Variants in MAPRE1 observed in about 807,000 individuals in gnomAD.
The protein encoded by MAPRE1 is microtubule associated protein RP/EB family member 1, also known as microtubule-associated protein RP/EB family member 1.
MAPRE1 carries 5 observed loss-of-function variants against 32.1 expected under a neutral mutation model. The ratio of observed to expected loss-of-function variants is 0.16; its 90% CI spans 0.08 to 0.33. MAPRE1 has a LOEUF of 0.33. MAPRE1 is among the 10% of genes least tolerant of loss of function. The probability of loss-of-function intolerance (pLI) is 1.00; values close to 1 mark genes in which losing one functional copy is unlikely to be tolerated. For synonymous variants in MAPRE1, 122 were observed against 118.9 expected (o/e 1.03, Z -0.17); for missense variants, 209 against 327.2 (o/e 0.64, Z 2.79).
At chr20:32,838,986 G>A (rs1983277549) in intron 4 of MAPRE1, among the ~76,000 whole-genome samples, 1 of 152,150 alleles carries the variant, frequency 6.6e-6, no homozygotes, top group Non-Finnish European at 1.5e-5. Flanking sequence ...AGATAGGTTG[G>A]CTCCTTTACT....
intron 2 of MAPRE1, among the ~76,000 whole-genome samples, chr20:32,832,019 C>T (rs1388450751): frequency 6.6e-6 from 1 of 151,488 alleles, no homozygotes; most frequent in Non-Finnish European, 1.5e-5. Flanking sequence ...TCAGTCACCT[C>T]AGAAATCAAG....
chr20:32,840,965 G>A (rs148517736), intron 5 of MAPRE1, among the ~76,000 whole-genome samples: 1,543 of 152,184 alleles, frequency 0.01, 25 homozygotes, highest in African/African-American at 0.035. Context: ...ACAGTCGTGC[G>A]CCACCACGCC....
At chr20:32,822,267 G>T (rs1982723632) in intron 1 of MAPRE1, among the ~76,000 whole-genome samples, 1 of 152,162 alleles carries the variant, frequency 6.6e-6, no homozygotes, top group Non-Finnish European at 1.5e-5. Flanking sequence ...CGCCATAATA[G>T]ATTACAATTG....
At chr20:32,835,404 C>CA (rs1311170911) in intron 3 of MAPRE1, among the ~76,000 whole-genome samples, 1 of 115,866 alleles carries the variant, frequency 8.6e-6, no homozygotes, top group African/African-American at 3.9e-5. Flanking sequence ...GCTGTGTTGC[C>CA]AGTGCTGGTC....
chr20:32,827,785 C>T (rs1003387542), intron 2 of MAPRE1, among the ~76,000 whole-genome samples: 6 of 151,938 alleles, frequency 3.9e-5, no homozygotes, highest in African/African-American at 1.4e-4. Flanking sequence ...AGTCCAGCTA[C>T]CCGGGAGGCT....
chr20:32,839,913 G>A (rs944403413), intron 5 of MAPRE1, 57 bp downstream of exon 5: 5 of 1,604,790 alleles, frequency 3.1e-6, no homozygotes, highest in Non-Finnish European at 4.3e-6. Flanking sequence ...TCCTTGCGGT[G>A]GCCAGGGTGC....
intron 4 of MAPRE1, among the ~76,000 whole-genome samples, chr20:32,838,709 ATATTTC>A (rs1983268820): frequency 6.6e-6 from 1 of 152,210 alleles, no homozygotes; most frequent in East Asian, 1.9e-4. Context: ...CGTGCATTTC[ATATTTC>A]AGATGCTGCT....
intron 5 of MAPRE1, among the ~76,000 whole-genome samples, chr20:32,841,627 GCA>G (rs1321810382): frequency 1.9e-5 from 1 of 51,902 alleles, no homozygotes; most frequent in Non-Finnish European, 3.8e-5. Context: ...TCCCCCCACC[GCA>G]CAACAGTCCC....
chr20:32,840,566 C>T (rs1325656649), intron 5 of MAPRE1, among the ~76,000 whole-genome samples: 1 of 152,088 alleles, frequency 6.6e-6, no homozygotes, highest in Non-Finnish European at 1.5e-5. Context: ...CTCAAGTGAT[C>T]CCCCTGCCTG....
intron 5 of MAPRE1, among the ~76,000 whole-genome samples, chr20:32,845,233 G>A (rs1351325464): frequency 6.6e-6 from 1 of 152,044 alleles, no homozygotes; most frequent in African/African-American, 2.4e-5. Flanking sequence ...GTAGAGACAG[G>A]TTTTGCCATG....
chr20:32,826,182 C>CGAG, intron 2 of MAPRE1, 134 bp downstream of exon 2: 3 of 676,552 alleles, frequency 4.4e-6, no homozygotes, highest in Non-Finnish European at 7.0e-6. Flanking sequence ...TTCTTCCTCT[C>CGAG]AGCCCTGCCT....
intron 3 of MAPRE1, among the ~76,000 whole-genome samples, chr20:32,834,655 C>A (rs1983135560): frequency 6.6e-6 from 1 of 151,562 alleles, no homozygotes; most frequent in South Asian, 2.1e-4. Flanking sequence ...TTTGTCTCTA[C>A]AATATATAAA....
chr20:32,839,647 G>T (rs906310984), intron 4 of MAPRE1, 88 bp from the exon 5 acceptor site: 1 of 1,561,544 alleles, frequency 6.4e-7, no homozygotes, highest in Non-Finnish European at 8.7e-7. Flanking sequence ...AAGGCAGATG[G>T]TCACAGCTTC....
chr20:32,841,495 T>G (rs1379285728), intron 5 of MAPRE1, among the ~76,000 whole-genome samples: 2 of 151,878 alleles, frequency 1.3e-5, no homozygotes, highest in African/African-American at 4.8e-5. Flanking sequence ...CTTTAAGTTT[T>G]AGGGTACATG....
intron 3 of MAPRE1, 26 bp from the exon 4 acceptor site, chr20:32,836,608 G>A (rs1346341225): frequency 7.0e-7 from 1 of 1,420,292 alleles, no homozygotes; most frequent in Non-Finnish European, 9.9e-7. Context: ...TCTTTTTTGG[G>A]GCTAAACAGT....
rs1373695266 is a variant in MAPRE1 at position 32,835,368 on chromosome 20, T to TTTTTTTTTTTG, written c.268-1256_268-1255insGTTTTTTTTTT. Among the ~76,000 whole-genome samples the TTTTTTTTTTTG allele has an allele frequency of 5.2e-4, 73 of 141,568 alleles. 7 individuals are homozygous for TTTTTTTTTTTG. Among genetic ancestry groups the TTTTTTTTTTTG allele is most frequent in the African/African-American group, 2.0e-3 (72 of 35,700 alleles). The allele number at this position is 141,568 out of a possible 152,430, so 92.9% of individuals were successfully genotyped here. A position where few individuals can be genotyped will look rare whatever the true frequency, so the allele number is the denominator to read the frequency against. ...TGTGTGTGTGTTTTTATTGGTGTTT[T>TTTTTTTTTTTG]TTTTTTTTTTTTGAGATGAGGTCTT... On this transcript the variant is annotated intron_variant, in intron 3 of 6. Transcript: ENST00000375571.
chr20:32,836,918 C>A lies in MAPRE1; in HGVS notation c.475+77C>A, dbSNP rs1983218573. 1.9e-5 allele frequency: 24 copies of A among 1,289,818 alleles called. No homozygotes were observed. In the South Asian group the frequency reaches 3.0e-4, roughly 16 times the overall value. The allele number at this position is 1,289,818 out of a possible 1,614,324, so 79.9% of individuals were successfully genotyped here. The stretch of plus-strand genomic sequence containing the variant: ...TTCAGCGTTCAACTAGAATTTTTTT[C>A]AGTAGCCATAGGCTTAGGGATCTTA... On this transcript the variant is annotated intron_variant, in intron 4 of 6. Transcript: ENST00000375571.
intron 2 of MAPRE1, among the ~76,000 whole-genome samples, chr20:32,829,070 G>A (rs1234294531): frequency 6.6e-6 from 1 of 151,942 alleles, no homozygotes; most frequent in Non-Finnish European, 1.5e-5. Flanking sequence ...ACAGGTGCGT[G>A]CCACCTGTAA....
chr20:32,848,641 G>A (rs764747778), intron 6 of MAPRE1, 31 bp from the exon 7 acceptor site: 1 of 1,582,204 alleles, frequency 6.3e-7, no homozygotes, highest in South Asian at 1.1e-5. Context: ...GGATCTTTCA[G>A]TGGCTTTCCC....
Sources: allele counts gnomAD v4.1 joint callset (sites outside exome capture counted in the v4.1 genomes callset), GRCh38; gene constraint gnomAD v4.1.1; transcripts MANE v1.5; gene names NCBI Gene and HGNC (gene_info 2026-07-23, HGNC 2026-07-21).